Variants in GSE1 observed in about 807,000 individuals in gnomAD.
GSE1 encodes the protein genetic suppressor element 1.
A neutral mutation model predicts 112.6 loss-of-function variants in GSE1; 32 were observed. That is an observed-to-expected ratio of 0.28 (90% CI 0.21 to 0.38). The LOEUF is 0.38. Among genes scored for constraint, GSE1 ranks in the 10% least tolerant of loss-of-function variants. The pLI is 1.00. For synonymous variants in GSE1, 1,115 were observed against 735.6 expected (o/e 1.52, Z -8.35); for missense variants, 2,348 against 1,699.2 (o/e 1.38, Z -6.71).
At chr16:85,638,709 C>T (rs1427061787) in intron 2 of GSE1, among the ~76,000 whole-genome samples, 1 of 141,736 alleles carries the variant, frequency 7.1e-6, no homozygotes. Flanking sequence ...CTTCCCCATT[C>T]TTGCCACCCC....
At chr16:85,213,217 C>T (rs571188906) in intron 1 of GSE1, among the ~76,000 whole-genome samples, 15 of 147,786 alleles carry the variant, frequency 1.0e-4, no homozygotes, top group Non-Finnish European at 1.8e-4. Flanking sequence ...TGCAGTGAGC[C>T]GAGATCACAC....
intron 2 of GSE1, among the ~76,000 whole-genome samples, chr16:85,517,996 C>T (rs770203183): frequency 6.6e-6 from 1 of 152,260 alleles, no homozygotes; most frequent in African/African-American, 2.4e-5. Flanking sequence ...GGCTCTGCCT[C>T]CCCGTCGCTT....
chr16:85,554,330 A>G (rs1022589791), upstream of GSE1, among the ~76,000 whole-genome samples: 3 of 151,904 alleles, frequency 2.0e-5, no homozygotes, highest in Non-Finnish European at 4.4e-5. Context: ...TGGGGAGGAG[A>G]GATACAGGCT....
At chr16:85,199,700 G>T (rs1406605618) in intron 1 of GSE1, among the ~76,000 whole-genome samples, 26 of 152,110 alleles carry the variant, frequency 1.7e-4, no homozygotes, top group Admixed American at 1.7e-3. Flanking sequence ...AAGTTTGGGA[G>T]CTCAGGATCC....
intron 1 of GSE1, among the ~76,000 whole-genome samples, chr16:85,333,259 A>G (rs1353342842): frequency 1.3e-5 from 2 of 152,066 alleles, no homozygotes; most frequent in Non-Finnish European, 2.9e-5. Context: ...CTGGCTCTGA[A>G]GGCCTCCCAG....
chr16:85,341,957 G>C (rs2046632606), intron 1 of GSE1, among the ~76,000 whole-genome samples: 1 of 152,036 alleles, frequency 6.6e-6, no homozygotes, highest in Non-Finnish European at 1.5e-5. Flanking sequence ...ACATACCCTC[G>C]GTCTCTCGGC....
intron 1 of GSE1, among the ~76,000 whole-genome samples, chr16:85,590,497 G>A (rs765039737): frequency 2.0e-5 from 3 of 151,702 alleles, no homozygotes; most frequent in Non-Finnish European, 4.4e-5. Flanking sequence ...GAACGCATGG[G>A]CCTGTGTGTG....
At chr16:85,438,041 C>T (rs1190703585) in intron 2 of GSE1, among the ~76,000 whole-genome samples, 2 of 152,090 alleles carry the variant, frequency 1.3e-5, no homozygotes, top group Non-Finnish European at 2.9e-5. Context: ...GAAGCTCTTC[C>T]AGGCTCATCT....
chr16:85,652,023 C>A (rs1361809902), intron 3 of GSE1, among the ~76,000 whole-genome samples: 1 of 152,184 alleles, frequency 6.6e-6, no homozygotes, highest in East Asian at 1.9e-4. Flanking sequence ...GATCTAGAAG[C>A]CCAGCCTGGA....
intron 2 of GSE1, among the ~76,000 whole-genome samples, chr16:85,443,357 G>A (rs2049427966): frequency 6.6e-6 from 1 of 152,218 alleles, no homozygotes; most frequent in South Asian, 2.1e-4. Flanking sequence ...CCCAGAGCCT[G>A]GCCTGGCTCC....
intron 1 of GSE1, among the ~76,000 whole-genome samples, chr16:85,335,803 C>T (rs1390629839): frequency 6.6e-6 from 1 of 152,150 alleles, no homozygotes; most frequent in Admixed American, 6.5e-5. Context: ...AAGCCAGTGC[C>T]TTGTCTGAGG....
At chr16:85,624,913 C>T (rs539049221) in intron 1 of GSE1, among the ~76,000 whole-genome samples, 2 of 152,324 alleles carry the variant, frequency 1.3e-5, no homozygotes, top group East Asian at 1.9e-4. Context: ...GTGGCCCCAG[C>T]GGCCTGTGTC....
At chr16:85,661,095 A>G in intron 8 of GSE1, 51 bp from the exon 9 acceptor site, 1 of 1,505,804 alleles carries the variant, frequency 6.6e-7, no homozygotes, top group South Asian at 1.3e-5. Flanking sequence ...AAGCCTGTGG[A>G]TGACTGAAGG....
chr16:85,320,100 A>G (rs2046071129), intron 1 of GSE1, among the ~76,000 whole-genome samples: 1 of 152,212 alleles, frequency 6.6e-6, no homozygotes, highest in African/African-American at 2.4e-5. Context: ...GAAACTTTAA[A>G]TGAGGCAACA....
chr16:85,271,732 C>G (rs568256822), intron 1 of GSE1, among the ~76,000 whole-genome samples: 2 of 152,334 alleles, frequency 1.3e-5, no homozygotes, highest in South Asian at 4.1e-4. Context: ...ACTTTTCACC[C>G]TGTCTTGGGA....
intron 2 of GSE1, among the ~76,000 whole-genome samples, chr16:85,637,166 C>T (rs1175400645): frequency 4.6e-5 from 7 of 152,214 alleles, no homozygotes; most frequent in Non-Finnish European, 8.8e-5. Flanking sequence ...TTGCATTTGC[C>T]GTCAGCTCCC....
chr16:85,654,510 C>T (rs2051732989), intron 4 of GSE1, 60 bp downstream of exon 4: 6 of 1,428,372 alleles, frequency 4.2e-6, no homozygotes, highest in Non-Finnish European at 5.7e-6. Flanking sequence ...TGCTCAGGGT[C>T]TGGGTCCCCA....
At chr16:85,189,353 A>C (rs2074776195) in intron 1 of GSE1, among the ~76,000 whole-genome samples, 1 of 152,176 alleles carries the variant, frequency 6.6e-6, no homozygotes, top group Non-Finnish European at 1.5e-5. Flanking sequence ...AATAGCTAAA[A>C]TTTGAATTTT....
intron 1 of GSE1, among the ~76,000 whole-genome samples, chr16:85,204,396 G>A (rs1490732151): frequency 2.0e-5 from 3 of 152,244 alleles, no homozygotes; most frequent in African/African-American, 4.8e-5. Flanking sequence ...GCTAGTGTGA[G>A]TAATGCTGCT....
Sources: gnomAD v4.1 joint callset for allele counts (sites outside exome capture counted in the v4.1 genomes callset) on GRCh38, gnomAD v4.1.1 for gene constraint, MANE v1.5 for transcripts, NCBI Gene and HGNC (gene_info 2026-07-23, HGNC 2026-07-21) for gene names.